The following HPN variants were observed in gnomAD, a reference collection of about 807,000 sequenced individuals.
HPN encodes hepsin.
HPN carries 13 observed loss-of-function variants against 55.9 expected under a neutral mutation model. The ratio of observed to expected loss-of-function variants is 0.23; its 90% CI spans 0.15 to 0.37. HPN has a LOEUF of 0.37. Ranked by LOEUF, HPN falls within the 10% of genes least tolerant of loss-of-function variation. The probability of loss-of-function intolerance (pLI) is 1.00; values close to 1 mark genes in which losing one functional copy is unlikely to be tolerated. For missense variants in HPN, 451 were observed against 575.8 expected, an observed-to-expected ratio of 0.78 and a Z score of 2.22; for synonymous variants, 225 against 240.3, an observed-to-expected ratio of 0.94 and a Z score of 0.59.
intron 9 of HPN, among the ~76,000 whole-genome samples, chr19:35,063,401 C>G (rs538709760): frequency 1.5e-3 from 236 of 152,306 alleles, no homozygotes; most frequent in African/African-American, 5.3e-3. Context: ...GGGAGTGATA[C>G]ATGCTTTTCT....
intron 2 of HPN, 127 bp downstream of exon 2, chr19:35,042,649 C>CT (rs2064305944): frequency 1.4e-6 from 1 of 694,764 alleles, no homozygotes; most frequent in Non-Finnish European, 2.5e-6. Flanking sequence ...CATCCCCACC[C>CT]CTGTTAGTCC....
At chr19:35,064,359 C>CT (rs1307521823) in intron 9 of HPN, among the ~76,000 whole-genome samples, 13 of 151,828 alleles carry the variant, frequency 8.6e-5, no homozygotes, top group Admixed American at 8.5e-4. Flanking sequence ...CTCTCTCTTT[C>CT]TTTTTTTGAG....
At chr19:35,060,597 G>A in intron 8 of HPN, 30 bp from the exon 9 acceptor site, 1 of 1,612,838 alleles carries the variant, frequency 6.2e-7, no homozygotes, top group Non-Finnish European at 8.5e-7. Flanking sequence ...GCCCAGGCAG[G>A]TGGCCACCCT....
At chr19:35,059,576 A>G (rs2064500382) in intron 4 of HPN, 97 bp from the exon 5 acceptor site, 1 of 1,475,294 alleles carries the variant, frequency 6.8e-7, no homozygotes, top group East Asian at 2.5e-5. Context: ...TCTACACCAC[A>G]TGGCTGGAGC....
chr19:35,043,138 C>T (rs760642247), intron 2 of HPN, among the ~76,000 whole-genome samples: 2 of 152,168 alleles, frequency 1.3e-5, no homozygotes, highest in Non-Finnish European at 2.9e-5. Context: ...CCAGACATTC[C>T]TCCACCTCCT....
chr19:35,049,222 C>T lies in HPN; in HGVS notation c.17-68C>T, dbSNP rs116949440. The T allele has an allele frequency of 8.4e-6, 10 of 1,186,950 alleles. No homozygotes were observed. In the East Asian group the frequency reaches 1.6e-4, roughly 19 times the overall value. 73.5% of individuals were successfully genotyped at this position (1,186,950 alleles called of 1,614,324 possible). On this transcript the variant is annotated intron_variant, in intron 2 of 12. Coordinates refer to ENST00000672452, the MANE Select transcript of HPN (RefSeq NM_001384133.1). ...AGCCCTGGGGGCAGGGCAGAGCTGG[C>T]CTCGGGCCCAGACCCTGCCGCAATG...
chr19:35,063,872 C>T (rs2064566734), intron 9 of HPN, among the ~76,000 whole-genome samples: 1 of 152,140 alleles, frequency 6.6e-6, no homozygotes, highest in Non-Finnish European at 1.5e-5. Context: ...GCCTCAGTTT[C>T]CCTTATCTGT....
chr19:35,066,440 G>A lies in HPN; in HGVS notation c.*153G>A. 1 of 1,008,446 alleles carries A rather than the reference G, an allele frequency of 9.9e-7. No homozygotes were observed. The highest frequency in any genetic ancestry group is 1.6e-5 in the South Asian group (1 of 62,652). 62.5% of individuals were successfully genotyped at this position (1,008,446 alleles called of 1,614,324 possible). ...AGGGTCCTCTCTTCCACAGTGGCGGGCCCACTCAGCCCCGAGACCACCCAA... is the reference window on the plus strand; with the variant it reads ...AGGGTCCTCTCTTCCACAGTGGCGGACCCACTCAGCCCCGAGACCACCCAA... On this transcript the variant is annotated 3_prime_UTR_variant, in exon 13 of 13. Coordinates refer to ENST00000672452, the MANE Select transcript of HPN (RefSeq NM_001384133.1).
intron 2 of HPN, among the ~76,000 whole-genome samples, chr19:35,048,725 C>T (rs971663963): frequency 1.3e-5 from 2 of 151,942 alleles, no homozygotes; most frequent in African/African-American, 2.4e-5. Flanking sequence ...AAGACCACGT[C>T]GCTAAAAAAA....
rs754865106 is a variant in HPN at position 35,059,898 on chromosome 19, C to T, written c.315C>T (p.Asp105=). 1.2e-5 allele frequency: 18 copies of T among 1,510,738 alleles called. No individual in the cohort carries two copies. Among genetic ancestry groups the T allele is most frequent in the Non-Finnish European group, 1.4e-5 (16 of 1,129,978 alleles). The allele number at this position is 1,510,738 out of a possible 1,614,324, so 93.6% of individuals were successfully genotyped here. ...GGGCACTGACCCACTCCGAGCTGGA[C>T]GTGCGAACGGCGGGCGCCAATGGCA... is the stretch of plus-strand genomic sequence containing the variant. ...FLRALTHSEL[D]VRTAGANGTS... The change falls in exon 6 of 13, where the codon GAC becomes GAT. Residue 105 remains aspartate (D), a synonymous_variant. Transcript: ENST00000672452.
intron 2 of HPN, among the ~76,000 whole-genome samples, chr19:35,042,880 G>A (rs1481025353): frequency 6.6e-6 from 1 of 152,186 alleles, no homozygotes; most frequent in African/African-American, 2.4e-5. Context: ...ACACAGGCTT[G>A]CATTTGAATT....
chr19:35,050,493 G>T, intron 4 of HPN: 1 of 1,289,034 alleles, frequency 7.8e-7, no homozygotes, highest in Non-Finnish European at 1.0e-6. Flanking sequence ...GGAACGAGGG[G>T]CCAGGAACAG....
chr19:35,060,540 T>TGGGGAGGCAGAGGAGC (rs1304278720), intron 8 of HPN, 28 bp downstream of exon 8: 1 of 1,611,724 alleles, frequency 6.2e-7, no homozygotes, highest in South Asian at 1.1e-5. Context: ...GCGCTGATGA[T>TGGGGAGGCAGAGGAGC]GGGGAGGCAG....
rs189176634 is a variant in HPN at position 35,045,681 on chromosome 19, T to C, written c.16+3159T>C. 5.3e-5 allele frequency among the ~76,000 whole-genome samples: 8 copies of C among 151,252 alleles called. No individual in the cohort carries two copies. In the East Asian group the frequency reaches 1.4e-3, roughly 27 times the overall value. ...TCCCAGTAGAGACACGCAGGGAGGA[T>C]GAGGATGCGTCCCACACCCTGGGCC... On this transcript the variant is annotated intron_variant, in intron 2 of 12. Transcript: ENST00000672452.
intron 2 of HPN, among the ~76,000 whole-genome samples, 191 bp from the exon 3 acceptor site, chr19:35,049,099 G>C (rs145048085): frequency 6.6e-6 from 1 of 152,188 alleles, no homozygotes; most frequent in Non-Finnish European, 1.5e-5. Context: ...GGGGGAGCTG[G>C]GCACCTGGTT....
At chr19:35,054,813 C>T (rs955843444) in intron 4 of HPN, among the ~76,000 whole-genome samples, 5 of 152,124 alleles carry the variant, frequency 3.3e-5, no homozygotes, top group African/African-American at 1.2e-4. Flanking sequence ...AGCCTAGCCC[C>T]AGGAACACAG....
At chr19:35,066,060 G>A in intron 12 of HPN, 28 bp downstream of exon 12, 1 of 1,609,770 alleles carries the variant, frequency 6.2e-7, no homozygotes, top group African/African-American at 1.3e-5. Context: ...ATGGGAGCCA[G>A]GGTGGGGACG....
chr19:35,042,387 G>A, intron 1 of HPN, 66 bp from the exon 2 acceptor site: 1 of 1,480,048 alleles, frequency 6.8e-7, no homozygotes, highest in East Asian at 2.5e-5. Flanking sequence ...GCCTGGGACT[G>A]GGGGCGCCAG....
chr19:35,041,129 CG>C (rs2064289268), upstream of HPN, among the ~76,000 whole-genome samples: 1 of 152,206 alleles, frequency 6.6e-6, no homozygotes, highest in Non-Finnish European at 1.5e-5. Context: ...TGTGTTTTCC[CG>C]GCCAAGCCCC....
Sources: gnomAD v4.1 joint callset for allele counts (sites outside exome capture counted in the v4.1 genomes callset) on GRCh38, gnomAD v4.1.1 for gene constraint, MANE v1.5 for transcripts, NCBI Gene and HGNC (gene_info 2026-07-23, HGNC 2026-07-21) for gene names.